APOL5: variants seen among roughly 807,000 people sequenced by gnomAD.
The protein encoded by APOL5 is apolipoprotein L, 5.
A neutral mutation model predicts 35.5 loss-of-function variants in APOL5; 29 were observed. The observed-to-expected ratio is 0.82, with a 90% CI of 0.61 to 1.11. APOL5 has a LOEUF of 1.11. Among genes scored for constraint, APOL5 ranks in the 50% most tolerant of loss-of-function variants. The pLI is 0.00. For missense variants in APOL5, 514 were observed against 530.4 expected (o/e 0.97, Z 0.30); for synonymous variants, 188 against 200.2 (o/e 0.94, Z 0.51).
chr22:35,726,894 G>A lies in APOL5; in HGVS notation c.826G>A (p.Val276Met). ...CATCCCTTTCTGGACGGCTAGAGGG[G>A]TGCAGAGAGCCTTTGAGGGCACAAC... ...RHIPFWTARG[V>M]QRAFEGTTLA... The change falls in exon 3 of 5, where the codon GTG (valine) becomes ATG (methionine). Residue 276 changes from valine (V) to methionine (M), a missense_variant. This residue lies in a region of APOL5 where 238 missense variants were observed against 229.1 expected (regional missense o/e 1.04). Transcript: ENST00000249044. The A allele has an allele frequency of 6.2e-7, 1 of 1,614,214 alleles. No individual in the cohort carries two copies. Among genetic ancestry groups the A allele is most frequent in the Non-Finnish European group, 8.5e-7 (1 of 1,180,034 alleles).
the APOL5 span, among the ~76,000 whole-genome samples, chr22:35,712,127 C>A: frequency 6.6e-6 from 1 of 152,116 alleles, no homozygotes; most frequent in Admixed American, 6.5e-5. Flanking sequence ...CCATTTCAGC[C>A]TCCTCAGTAG....
chr22:35,725,627 T>A (rs554187777), intron 2 of APOL5, among the ~76,000 whole-genome samples: 5 of 151,842 alleles, frequency 3.3e-5, no homozygotes, highest in African/African-American at 1.2e-4. Context: ...ATCGCTGGGG[T>A]TGAAGCTGAA....
At chr22:35,725,415 C>T (rs1376852658) in intron 2 of APOL5, among the ~76,000 whole-genome samples, 3 of 152,020 alleles carry the variant, frequency 2.0e-5, no homozygotes, top group East Asian at 1.9e-4. Context: ...ACACCACACC[C>T]GGCTAACTTT....
intron 2 of APOL5, among the ~76,000 whole-genome samples, chr22:35,723,806 A>G (rs550907105): frequency 5.6e-4 from 85 of 152,318 alleles, no homozygotes; most frequent in Non-Finnish European, 1.0e-3. Flanking sequence ...TACTAAAAAC[A>G]CAAAAATTAG....
At chr22:35,709,460 C>A in the APOL5 span, among the ~76,000 whole-genome samples, 1 of 152,052 alleles carries the variant, frequency 6.6e-6, no homozygotes, top group Non-Finnish European at 1.5e-5. Flanking sequence ...GCTGAATGTT[C>A]TAGAAAGTCT....
In APOL5 at chr22:35,717,924, C is replaced by T. The variant is rs1169959922; in HGVS notation, c.53C>T (p.Pro18Leu). The part of the protein sequence containing the change: ...NLQVPGSKVL[P>L]GLGEGCKEMW... ...CAAGTTCCCGGTTCCAAGGTGTTACCTGGTAAGTTCTTTTAAGCTTTCAGA... is the reference window on the plus strand; with the variant it reads ...CAAGTTCCCGGTTCCAAGGTGTTACTTGGTAAGTTCTTTTAAGCTTTCAGA... The change falls in exon 1 of 5, where the codon CCT becomes CTT. Residue 18 changes from proline to leucine, a missense_variant and splice_region_variant. Physicochemically the swap from Pro to Leu is moderately conservative, Grantham distance 98. Transcript: ENST00000249044. 5 of 1,579,918 alleles carry T rather than the reference C, an allele frequency of 3.2e-6. No homozygotes were observed. The highest frequency in any genetic ancestry group is 1.7e-6 in the Non-Finnish European group (2 of 1,163,132).
intron 3 of APOL5, among the ~76,000 whole-genome samples, chr22:35,728,251 T>C (rs1443711155): frequency 1.3e-5 from 2 of 152,102 alleles, no homozygotes; most frequent in East Asian, 3.9e-4. Flanking sequence ...TGAGACGGAG[T>C]CTCGCTCTGT....
intron 2 of APOL5, among the ~76,000 whole-genome samples, chr22:35,722,674 G>A (rs568615430): frequency 2.2e-4 from 33 of 152,148 alleles, no homozygotes; most frequent in Admixed American, 1.3e-4. Context: ...GAGCTGGTTT[G>A]CTTCTCTATA....
At chr22:35,719,738 TGA>T (rs1926893510) in intron 1 of APOL5, among the ~76,000 whole-genome samples, 1 of 81,234 alleles carries the variant, frequency 1.2e-5, no homozygotes, top group Non-Finnish European at 2.6e-5. Flanking sequence ...CATCTAGGGT[TGA>T]GTGTTTGCAG....
upstream of APOL5, among the ~76,000 whole-genome samples, chr22:35,717,193 C>T (rs117885788): frequency 0.02 from 2,325 of 117,816 alleles, 37 homozygotes; most frequent in Middle Eastern, 0.039. Flanking sequence ...AGAGATTAGC[C>T]TGGGCAACAT....
upstream of APOL5, among the ~76,000 whole-genome samples, chr22:35,716,349 T>G (rs891519942): frequency 2.6e-5 from 4 of 152,236 alleles, no homozygotes; most frequent in Non-Finnish European, 5.9e-5. Flanking sequence ...CTCAGCTCAC[T>G]GCAACCTCCG....
At chr22:35,713,006 C>A (rs1238623265), upstream of APOL5, among the ~76,000 whole-genome samples, 1 of 152,214 alleles carries the variant, frequency 6.6e-6, no homozygotes, top group Non-Finnish European at 1.5e-5. Flanking sequence ...GATTCACTGC[C>A]AACCTGTACA....
chr22:35,723,127 C>A (rs1051626764), intron 2 of APOL5, among the ~76,000 whole-genome samples: 1 of 152,194 alleles, frequency 6.6e-6, no homozygotes, highest in African/African-American at 2.4e-5. Flanking sequence ...GGCTAAGGAG[C>A]AGAGGATTCT....
At chr22:35,725,376 C>T (rs1365476491) in intron 2 of APOL5, among the ~76,000 whole-genome samples, 1 of 152,082 alleles carries the variant, frequency 6.6e-6, no homozygotes, top group African/African-American at 2.4e-5. Flanking sequence ...AGCGACTCTC[C>T]TGCCTCAGCT....
rs1927180865 is a variant in APOL5 at position 35,726,862 on chromosome 22, A to G, written c.794A>G (p.Lys265Arg). The change falls in exon 3 of 5, where the codon AAG becomes AGG. Residue 265 changes from lysine to arginine, a missense_variant. Physicochemically the swap from Lys to Arg is conservative, Grantham distance 26. This residue lies in a region of APOL5 where 238 missense variants were observed against 229.1 expected (regional missense o/e 1.04). Coordinates refer to ENST00000249044, the MANE Select transcript of APOL5 (RefSeq NM_030642.1). ...GCTATGGTCAAGAATTTTGTGGCCA[A>G]GAGACACATCCCTTTCTGGACGGCT... ...FMAMVKNFVA[K>R]RHIPFWTARG... The G allele has an allele frequency of 1.9e-6, 3 of 1,614,236 alleles. No individual in the cohort carries two copies. Among genetic ancestry groups the G allele is most frequent in the Non-Finnish European group, 2.5e-6 (3 of 1,180,040 alleles).
upstream of APOL5, among the ~76,000 whole-genome samples, chr22:35,716,202 C>T (rs1926738899): frequency 6.6e-6 from 1 of 152,216 alleles, no homozygotes; most frequent in Non-Finnish European, 1.5e-5. Flanking sequence ...AAATGCATTA[C>T]TGTACAAGTG....
chr22:35,728,185 G>C (rs182312925), intron 3 of APOL5, among the ~76,000 whole-genome samples: 1 of 152,144 alleles, frequency 6.6e-6, no homozygotes, highest in Non-Finnish European at 1.5e-5. Context: ...GCTTTATTTG[G>C]TCTGGGATAT....
At position 35,728,739 on chromosome 22, in the gene APOL5, C is replaced by G. The variant is rs1304271898; in HGVS notation, c.1143C>G (p.Leu381=). Residue 381 remains leucine, a synonymous_variant, in exon 4 of 5, where the codon CTC becomes CTG. Coordinates refer to ENST00000249044, the MANE Select transcript of APOL5 (RefSeq NM_030642.1). ...VVKPEGSRSP[L]PWPVVEHQPR... is the part of the protein sequence containing the mutation. ...GTTCCACAGGGTCTCGCTCACCTCT[C>G]CCCTGGCCTGTTGTGGAGCACCAGC... The G allele has an allele frequency of 1.2e-6, 2 of 1,612,930 alleles. No individual in the cohort carries two copies. The highest frequency in any genetic ancestry group is 3.3e-5 in the Admixed American group (2 of 59,914).
At chr22:35,727,573 C>T (rs5755932) in intron 3 of APOL5, among the ~76,000 whole-genome samples, 1 of 152,004 alleles carries the variant, frequency 6.6e-6, no homozygotes, top group African/African-American at 2.4e-5. Flanking sequence ...CATAGGAAGT[C>T]GAAGTCGCCC....
Sources: gnomAD v4.1 joint callset for allele counts (sites outside exome capture counted in the v4.1 genomes callset) on GRCh38, gnomAD v4.1.1 for gene constraint, gnomAD v4.1.1 regional missense constraint, MANE v1.5 for transcripts, NCBI Gene and HGNC (gene_info 2026-07-23, HGNC 2026-07-21) for gene names.